The following RIMKLB variants were observed in gnomAD, a reference collection of about 807,000 sequenced individuals.
RIMKLB encodes ribosomal modification protein rimK like family member B.
A neutral mutation model predicts 32.0 loss-of-function variants in RIMKLB; 7 were observed. The observed-to-expected ratio is 0.22, with a 90% confidence interval of 0.12 to 0.41. The LOEUF (loss-of-function observed/expected upper bound fraction) is 0.41. Ranked by LOEUF, RIMKLB falls within the 10% of genes least tolerant of loss-of-function variation. The pLI is 1.00. For missense variants in RIMKLB, 289 were observed against 498.7 expected (o/e 0.58, Z 4.00); for synonymous variants, 172 against 185.1 (o/e 0.93, Z 0.57).
intron 1 of RIMKLB, among the ~76,000 whole-genome samples, chr12:8,702,022 AT>A (rs1466068897): frequency 1.3e-5 from 2 of 151,872 alleles, no homozygotes; most frequent in East Asian, 3.8e-4. Context: ...AAAAAAAAAA[AT>A]AGATCTTATG....
intron 1 of RIMKLB, among the ~76,000 whole-genome samples, chr12:8,698,714 C>G (rs964394089): frequency 8.2e-5 from 12 of 147,038 alleles, no homozygotes; most frequent in South Asian, 2.1e-4. Context: ...CCCTCCCCCC[C>G]CTTCCCACAA....
At chr12:8,767,056 A>G (rs750647370) in intron 5 of RIMKLB, among the ~76,000 whole-genome samples, 1 of 142,626 alleles carries the variant, frequency 7.0e-6, no homozygotes, top group South Asian at 2.2e-4. Context: ...CAGTGGTCTC[A>G]GTGTTTTCGG....
chr12:8,706,538 C>T (rs749852719), intron 1 of RIMKLB, among the ~76,000 whole-genome samples: 1 of 151,206 alleles, frequency 6.6e-6, no homozygotes, highest in South Asian at 2.1e-4. Flanking sequence ...GCAACCTCTG[C>T]CTCCTGGGTT....
intron 1 of RIMKLB, 38 bp from the exon 2 acceptor site, chr12:8,713,773 T>C: frequency 8.1e-7 from 1 of 1,237,504 alleles, no homozygotes; most frequent in Non-Finnish European, 1.2e-6. Flanking sequence ...AGTAGATTTC[T>C]TGATTTACCT....
intron 7 of RIMKLB, among the ~76,000 whole-genome samples, chr12:8,782,480 C>CATTTTGGCTGTTTTGGTGTCAGCAT (rs1381105034): frequency 1.3e-5 from 2 of 152,048 alleles, no homozygotes; most frequent in African/African-American, 4.8e-5. Context: ...AAAGGAAGCA[C>CATTTTGGCTGTTTTGGTGTCAGCAT]ATTTTGGCTG....
chr12:8,755,326 C>T (rs1948934795), intron 5 of RIMKLB, among the ~76,000 whole-genome samples: 1 of 151,426 alleles, frequency 6.6e-6, no homozygotes, highest in Non-Finnish European at 1.5e-5. Context: ...GTTTCAAACT[C>T]CTGGGCTCAA....
At chr12:8,748,510 G>A (rs1210230095) in intron 2 of RIMKLB, among the ~76,000 whole-genome samples, 1 of 141,698 alleles carries the variant, frequency 7.1e-6, no homozygotes, top group Non-Finnish European at 1.5e-5. Context: ...CAGACAAGGT[G>A]GGATTATTCG....
At chr12:8,681,539 C>G (rs779907101), upstream of RIMKLB, 1 of 152,210 alleles carries the variant, frequency 6.6e-6, no homozygotes, top group East Asian at 1.9e-4. Context: ...GCTCCTATTC[C>G]GGATGAAACT....
chr12:8,741,848 A>G (rs1003025298), intron 2 of RIMKLB, among the ~76,000 whole-genome samples: 4 of 151,886 alleles, frequency 2.6e-5, no homozygotes, highest in South Asian at 2.1e-4. Context: ...GCATCATGCA[A>G]ATATACTCAT....
At chr12:8,752,736 GTTTGTTT>G (rs1418296173) in intron 4 of RIMKLB, among the ~76,000 whole-genome samples, 1 of 149,906 alleles carries the variant, frequency 6.7e-6, no homozygotes, top group Non-Finnish European at 1.5e-5. Context: ...TGTTGTTATT[GTTTGTTT>G]TTTGTTTTTT....
At chr12:8,724,575 G>A (rs1945796341) in intron 2 of RIMKLB, among the ~76,000 whole-genome samples, 1 of 152,218 alleles carries the variant, frequency 6.6e-6, no homozygotes, top group African/African-American at 2.4e-5. Context: ...TTTCTGTATG[G>A]TGTGGTGTCT....
chr12:8,772,624 T>C (rs1950503421), intron 5 of RIMKLB, among the ~76,000 whole-genome samples: 1 of 152,210 alleles, frequency 6.6e-6, no homozygotes, highest in Non-Finnish European at 1.5e-5. Flanking sequence ...TCCAGCTACT[T>C]CTGGCCTTTT....
chr12:8,710,681 A>G, intron 1 of RIMKLB, among the ~76,000 whole-genome samples: 1 of 152,108 alleles, frequency 6.6e-6, no homozygotes, highest in Non-Finnish European at 1.5e-5. Flanking sequence ...AATCATCGGG[A>G]ACACTGTTGT....
intron 1 of RIMKLB, chr12:8,700,592 G>C (rs923557327): frequency 2.6e-5 from 4 of 152,232 alleles, no homozygotes; most frequent in African/African-American, 7.2e-5. Context: ...TGAAGAGAGA[G>C]AACCAAACAT....
chr12:8,705,509 A>T (rs946508126), intron 1 of RIMKLB, among the ~76,000 whole-genome samples: 2 of 151,068 alleles, frequency 1.3e-5, no homozygotes, highest in Non-Finnish European at 2.9e-5. Flanking sequence ...AATGCCGGTG[A>T]TATTAATATT....
At chr12:8,720,748 C>T (rs61470904) in intron 2 of RIMKLB, among the ~76,000 whole-genome samples, 5,602 of 152,186 alleles carry the variant, frequency 0.037, 304 homozygotes, top group African/African-American at 0.12. Context: ...CCTTGTTGGC[C>T]AGGCTGGTCT....
chr12:8,713,033 A>G (rs1944511661), intron 1 of RIMKLB, among the ~76,000 whole-genome samples: 1 of 152,188 alleles, frequency 6.6e-6, no homozygotes. Context: ...CAGAGAAGCA[A>G]CACCATCTGG....
intron 2 of RIMKLB, among the ~76,000 whole-genome samples, chr12:8,744,867 T>A (rs1051214301): frequency 6.6e-6 from 1 of 151,798 alleles, no homozygotes; most frequent in African/African-American, 2.4e-5. Flanking sequence ...TTATTGTACT[T>A]TAAGTTCTAG....
At chr12:8,767,231 G>T (rs780929107) in intron 5 of RIMKLB, among the ~76,000 whole-genome samples, 1 of 152,218 alleles carries the variant, frequency 6.6e-6, no homozygotes, top group African/African-American at 2.4e-5. Flanking sequence ...TTCTCTCTTT[G>T]GCCCCCTTTG....
Sources: allele counts gnomAD v4.1 joint callset (sites outside exome capture counted in the v4.1 genomes callset), GRCh38; gene constraint gnomAD v4.1.1; transcripts MANE v1.5; gene names NCBI Gene and HGNC (gene_info 2026-07-23, HGNC 2026-07-21).